The following AKR1C8 variants were observed in gnomAD, a reference collection of about 807,000 sequenced individuals.
The protein encoded by AKR1C8 is aldo-keto reductase family 1 member C-like protein 1.
At chr10:5,126,056 G>T in the AKR1C8 span, among the ~76,000 whole-genome samples, 1 of 152,176 alleles carries the variant, frequency 6.6e-6, no homozygotes, top group African/African-American at 2.4e-5. Flanking sequence ...GTTTCTTTCA[G>T]CAGAGACACA....
At chr10:5,183,205 A>G in the AKR1C8 span, among the ~76,000 whole-genome samples, 14 of 152,336 alleles carry the variant, frequency 9.2e-5, no homozygotes, top group South Asian at 2.5e-3. Context: ...GATAAATAAT[A>G]TAAAATTTAG....
chr10:5,178,221 T>C, the AKR1C8 span, among the ~76,000 whole-genome samples: 5 of 152,118 alleles, frequency 3.3e-5, no homozygotes, highest in Admixed American at 6.6e-5. Flanking sequence ...TTATTTCTGC[T>C]TTCATTTCGT....
At chr10:5,150,168 G>T in the AKR1C8 span, among the ~76,000 whole-genome samples, 1 of 152,016 alleles carries the variant, frequency 6.6e-6, no homozygotes, top group Non-Finnish European at 1.5e-5. Context: ...CAATTTCCAT[G>T]GTTACTACAA....
the AKR1C8 span, among the ~76,000 whole-genome samples, chr10:5,149,302 AT>A: frequency 2.6e-5 from 4 of 152,126 alleles, no homozygotes; most frequent in Non-Finnish European, 1.5e-5. Flanking sequence ...TCAAAGACAA[AT>A]AATGATAGAA....
the AKR1C8 span, among the ~76,000 whole-genome samples, chr10:5,128,262 A>G: frequency 6.6e-6 from 1 of 152,210 alleles, no homozygotes; most frequent in East Asian, 1.9e-4. Context: ...AACCAGTTCT[A>G]CAAGGCATGC....
the AKR1C8 span, among the ~76,000 whole-genome samples, chr10:5,177,373 C>T: frequency 0.21 from 32,353 of 151,774 alleles, 4,267 homozygotes; most frequent in East Asian, 0.63. Context: ...CTGCTGGATT[C>T]GGTTTGCCAG....
the AKR1C8 span, chr10:5,184,981 A>G: frequency 3.7e-6 from 2 of 533,880 alleles, no homozygotes; most frequent in Non-Finnish European, 7.7e-6. Context: ...CAGCTGACCT[A>G]AGAAACTTCA....
chr10:5,173,650 A>T, the AKR1C8 span, among the ~76,000 whole-genome samples: 52 of 35,464 alleles, frequency 1.5e-3, 1 homozygote, highest in African/African-American at 4.2e-3. Flanking sequence ...AAAACGATTA[A>T]AAAAAAAAAA....
the AKR1C8 span, among the ~76,000 whole-genome samples, chr10:5,144,629 T>C: frequency 6.6e-6 from 1 of 152,096 alleles, no homozygotes; most frequent in East Asian, 1.9e-4. Context: ...TTATTCTCTT[T>C]GAAGCAATTG....
chr10:5,156,661 T>C, the AKR1C8 span, among the ~76,000 whole-genome samples: 2 of 152,172 alleles, frequency 1.3e-5, no homozygotes, highest in Admixed American at 1.3e-4. Context: ...TATATGGTTG[T>C]CATGAGAGCA....
chr10:5,149,921 C>G, the AKR1C8 span, among the ~76,000 whole-genome samples: 1 of 151,974 alleles, frequency 6.6e-6, no homozygotes, highest in African/African-American at 2.4e-5. Flanking sequence ...GAATATTTTA[C>G]TCAGTCACTG....
the AKR1C8 span, among the ~76,000 whole-genome samples, chr10:5,146,491 C>T: frequency 2.0e-5 from 3 of 152,004 alleles, no homozygotes; most frequent in South Asian, 2.1e-4. Context: ...TTCTAGATAT[C>T]CCGAGAGAGA....
chr10:5,164,446 C>T, the AKR1C8 span, among the ~76,000 whole-genome samples: 1 of 152,086 alleles, frequency 6.6e-6, no homozygotes, highest in Non-Finnish European at 1.5e-5. Flanking sequence ...GAGACTACTA[C>T]ATTTTTGATA....
the AKR1C8 span, among the ~76,000 whole-genome samples, chr10:5,128,473 C>A: frequency 6.6e-6 from 1 of 152,070 alleles, no homozygotes; most frequent in Non-Finnish European, 1.5e-5. Flanking sequence ...AAATGCTCCA[C>A]TTAGAAGACA....
At chr10:5,176,606 A>G in the AKR1C8 span, among the ~76,000 whole-genome samples, 1 of 151,980 alleles carries the variant, frequency 6.6e-6, no homozygotes, top group South Asian at 2.1e-4. Flanking sequence ...CTTCCTACCC[A>G]TGAGCATGGA....
At chr10:5,161,990 A>G in the AKR1C8 span, 2 of 528,016 alleles carry the variant, frequency 3.8e-6, no homozygotes, top group African/African-American at 1.9e-5. Context: ...GACCAAAAGA[A>G]ACAAAAATGG....
At chr10:5,180,366 C>T in the AKR1C8 span, among the ~76,000 whole-genome samples, 4 of 152,258 alleles carry the variant, frequency 2.6e-5, no homozygotes, top group Non-Finnish European at 5.9e-5. Context: ...TGGCTGTGTG[C>T]GGTGTCAGTC....
chr10:5,178,731 G>A, the AKR1C8 span, among the ~76,000 whole-genome samples: 1 of 152,138 alleles, frequency 6.6e-6, no homozygotes, highest in South Asian at 2.1e-4. Flanking sequence ...TTACCATTAT[G>A]TAATGGCCTC....
At chr10:5,150,104 C>T in the AKR1C8 span, among the ~76,000 whole-genome samples, 1 of 151,820 alleles carries the variant, frequency 6.6e-6, no homozygotes, top group East Asian at 1.9e-4. Context: ...ATTTTATGAA[C>T]ATATTAGCTC....
Sources: allele counts gnomAD v4.1 joint callset (sites outside exome capture counted in the v4.1 genomes callset), GRCh38; gene constraint gnomAD v4.1.1; transcripts MANE v1.5; gene names NCBI Gene and HGNC (gene_info 2026-07-23, HGNC 2026-07-21).